ZC3H12B: variants seen among roughly 807,000 people sequenced by gnomAD.
ZC3H12B encodes zinc finger CCCH-type containing 12B.
A neutral mutation model predicts 43.9 loss-of-function variants in ZC3H12B; 7 were observed. That is an observed-to-expected ratio of 0.16 (90% CI 0.09 to 0.30). The LOEUF is 0.30. ZC3H12B is among the 10% of genes least tolerant of loss of function. The pLI is 1.00. For synonymous variants in ZC3H12B, 222 were observed against 241.7 expected, an observed-to-expected ratio of 0.92 and a Z score of 0.76; for missense variants, 475 against 670.2, an observed-to-expected ratio of 0.71 and a Z score of 3.22.
the ZC3H12B span, among the ~76,000 whole-genome samples, chrX:65,116,006 A>G: frequency 9.0e-6 from 1 of 111,098 alleles, no homozygotes; most frequent in Non-Finnish European, 1.9e-5. Context: ...GTTGTGTGTT[A>G]ACTCTGCTGA....
At chrX:65,239,555 A>G in the ZC3H12B span, among the ~76,000 whole-genome samples, 2 of 111,198 alleles carry the variant, frequency 1.8e-5, no homozygotes, top group African/African-American at 6.5e-5. Context: ...ATGTTATTTA[A>G]TTAGGGCATT....
intron 3 of ZC3H12B, among the ~76,000 whole-genome samples, chrX:65,431,348 A>T (rs1368310686): frequency 8.9e-6 from 1 of 112,345 alleles, no homozygotes; most frequent in African/African-American, 3.2e-5. Flanking sequence ...CACCAAGTAG[A>T]TGCCTGATTA....
intron 2 of ZC3H12B, among the ~76,000 whole-genome samples, chrX:65,497,834 A>G (rs2068310951): frequency 8.9e-6 from 1 of 112,358 alleles, no homozygotes; most frequent in African/African-American, 3.2e-5. Context: ...CAATGCATGT[A>G]CAATGATGTA....
the ZC3H12B span, among the ~76,000 whole-genome samples, chrX:65,082,548 T>C: frequency 4.5e-5 from 5 of 111,046 alleles, no homozygotes; most frequent in Non-Finnish European, 7.6e-5. Context: ...ATACAACTTA[T>C]CCACTTTGAA....
At chrX:65,326,491 A>G in the ZC3H12B span, among the ~76,000 whole-genome samples, 1 of 110,427 alleles carries the variant, frequency 9.1e-6, no homozygotes, top group Non-Finnish European at 1.9e-5. Context: ...ATAAGGGGTG[A>G]CCACAGGCCA....
At chrX:65,243,555 G>C in the ZC3H12B span, among the ~76,000 whole-genome samples, 414 of 111,837 alleles carry the variant, frequency 3.7e-3, 4 homozygotes, top group African/African-American at 0.013. Flanking sequence ...GTGGAAAAGA[G>C]TATAGAAGGT....
chrX:65,107,244 G>T, the ZC3H12B span, among the ~76,000 whole-genome samples: 1 of 111,401 alleles, frequency 9.0e-6, no homozygotes, highest in African/African-American at 3.3e-5. Flanking sequence ...ATGAGGCAGG[G>T]ATGTGCAAAT....
At chrX:65,458,019 C>T (rs1380415091) in intron 3 of ZC3H12B, among the ~76,000 whole-genome samples, 58 of 63,638 alleles carry the variant, frequency 9.1e-4, no homozygotes, top group South Asian at 6.4e-3. Context: ...GTCCTATGAC[C>T]CTGCCAAATC....
chrX:65,119,778 A>C, the ZC3H12B span, among the ~76,000 whole-genome samples: 7 of 111,801 alleles, frequency 6.3e-5, no homozygotes, highest in African/African-American at 2.3e-4. Context: ...TTATGGTTTT[A>C]GGTCTAATAT....
At chrX:65,381,405 C>A (rs965072289) in intron 2 of ZC3H12B, among the ~76,000 whole-genome samples, 33 of 111,308 alleles carry the variant, frequency 3.0e-4, no homozygotes, top group Non-Finnish European at 2.8e-4. Context: ...TTGAAACCAA[C>A]GAGAACAAAG....
intron 3 of ZC3H12B, among the ~76,000 whole-genome samples, chrX:65,446,904 A>G (rs1217615774): frequency 8.9e-6 from 1 of 111,747 alleles, no homozygotes; most frequent in Non-Finnish European, 1.9e-5. Flanking sequence ...TGTGGAGACA[A>G]TTACTGGGGG....
chrX:65,359,389 G>A, the ZC3H12B span, among the ~76,000 whole-genome samples: 2 of 111,707 alleles, frequency 1.8e-5, no homozygotes, highest in African/African-American at 6.5e-5. Context: ...ATGAACCTGG[G>A]AAAAAGTAAA....
the ZC3H12B span, among the ~76,000 whole-genome samples, chrX:65,277,625 G>A: frequency 8.9e-6 from 1 of 111,809 alleles, no homozygotes; most frequent in Admixed American, 9.5e-5. Flanking sequence ...AGCAATGAGT[G>A]AAGGAAGACA....
intron 3 of ZC3H12B, among the ~76,000 whole-genome samples, chrX:65,454,415 G>A (rs192998317): frequency 8.9e-5 from 10 of 112,216 alleles, no homozygotes; most frequent in Admixed American, 8.5e-4. Context: ...ACTGCAAGGC[G>A]GCAGTGAGGC....
At chrX:65,404,870 C>T (rs778254821) in intron 3 of ZC3H12B, among the ~76,000 whole-genome samples, 7 of 112,191 alleles carry the variant, frequency 6.2e-5, no homozygotes, top group Non-Finnish European at 1.1e-4. Context: ...TAGATACTTA[C>T]AGAACATTTT....
At chrX:65,119,043 C>G in the ZC3H12B span, among the ~76,000 whole-genome samples, 12 of 111,259 alleles carry the variant, frequency 1.1e-4, no homozygotes, top group Non-Finnish European at 1.9e-5. Context: ...TTAATCCAAT[C>G]TATCATTGTT....
At chrX:65,437,182 C>T (rs2067231649) in intron 3 of ZC3H12B, among the ~76,000 whole-genome samples, 1 of 110,593 alleles carries the variant, frequency 9.0e-6, no homozygotes, top group African/African-American at 3.3e-5. Context: ...TGAAACCTGA[C>T]CTATAGTGAT....
intron 3 of ZC3H12B, among the ~76,000 whole-genome samples, chrX:65,471,142 CTAT>C (rs775398256): frequency 9.0e-6 from 1 of 111,656 alleles, no homozygotes; most frequent in South Asian, 3.7e-4. Context: ...AAGTTCCCCA[CTAT>C]TATTATGTTG....
At chrX:65,323,130 C>T in the ZC3H12B span, among the ~76,000 whole-genome samples, 4 of 112,106 alleles carry the variant, frequency 3.6e-5, no homozygotes, top group Non-Finnish European at 7.5e-5. Context: ...TATATGGATA[C>T]ATTTTATTTC....
Sources: gnomAD v4.1 joint callset for allele counts (sites outside exome capture counted in the v4.1 genomes callset) on GRCh38, gnomAD v4.1.1 for gene constraint, MANE v1.5 for transcripts, NCBI Gene and HGNC (gene_info 2026-07-23, HGNC 2026-07-21) for gene names.